CDCP1: variants seen among roughly 807,000 people sequenced by gnomAD.
The protein encoded by CDCP1 is CUB domain-containing protein 1.
In CDCP1, 29 loss-of-function variants were observed where a neutral mutation model predicts 60.2. The ratio of observed to expected loss-of-function variants is 0.48; its 90% CI spans 0.36 to 0.66. CDCP1 has a LOEUF of 0.66. CDCP1 is among the 30% of genes least tolerant of loss of function. The pLI, the probability that CDCP1 is intolerant of heterozygous loss-of-function variation, is 0.00. For synonymous variants in CDCP1, 387 were observed against 431.1 expected, an observed-to-expected ratio of 0.90 and a Z score of 1.27; for missense variants, 876 against 1,074.3, an observed-to-expected ratio of 0.82 and a Z score of 2.58.
At chr3:45,140,747 T>C (rs983990374) in intron 1 of CDCP1, among the ~76,000 whole-genome samples, 1 of 152,260 alleles carries the variant, frequency 6.6e-6, no homozygotes, top group Non-Finnish European at 1.5e-5. Context: ...TTCATTTTTA[T>C]CATTGAACAC....
At chr3:45,115,890 T>C (rs938530906) in intron 2 of CDCP1, among the ~76,000 whole-genome samples, 33 of 152,136 alleles carry the variant, frequency 2.2e-4, no homozygotes, top group Non-Finnish European at 3.1e-4. Flanking sequence ...AAAATATTTA[T>C]TTTTCCTATC....
At chr3:45,129,639 A>T (rs981167324) in intron 1 of CDCP1, among the ~76,000 whole-genome samples, 4 of 152,204 alleles carry the variant, frequency 2.6e-5, no homozygotes, top group Non-Finnish European at 4.4e-5. Context: ...GGAGTGGATT[A>T]AAAAACCCAT....
At chr3:45,107,982 G>T (rs1017639093) in intron 4 of CDCP1, among the ~76,000 whole-genome samples, 7 of 152,026 alleles carry the variant, frequency 4.6e-5, no homozygotes, top group Non-Finnish European at 1.0e-4. Context: ...GTTGGGTGTG[G>T]TGGCAGGCGC....
intron 1 of CDCP1, among the ~76,000 whole-genome samples, chr3:45,129,161 T>C (rs527917382): frequency 6.6e-6 from 1 of 152,244 alleles, no homozygotes; most frequent in African/African-American, 2.4e-5. Context: ...GTTGCATTTT[T>C]CCCTTTTATG....
In CDCP1 at chr3:45,095,365, T is replaced by A; in HGVS notation, c.1228A>T (p.Asn410Tyr). The change falls in exon 5 of 9, where the codon AAT becomes TAT. Residue 410 changes from asparagine (N) to tyrosine (Y), a missense_variant. Asn to Tyr is a moderately radical substitution (Grantham distance 143). Transcript: ENST00000296129. ...LCDDLTRLWM[N>Y]VEKTISCTDH... ...GGCGTACTTATGGTTTTTTCCACAT[T>A]CATCCACAGACGTGTCAGATCATCA... is the stretch of plus-strand genomic sequence containing the variant. 1 of 1,614,168 alleles carries A rather than the reference T, an allele frequency of 6.2e-7. No individual in the cohort carries two copies. Among genetic ancestry groups the A allele is most frequent in the Non-Finnish European group, 8.5e-7 (1 of 1,179,994 alleles).
At chr3:45,131,348 A>G (rs570281652) in intron 1 of CDCP1, among the ~76,000 whole-genome samples, 1 of 152,346 alleles carries the variant, frequency 6.6e-6, no homozygotes, top group Admixed American at 6.5e-5. Flanking sequence ...TGTGTAGTTC[A>G]GAAGCATTAA....
rs1181602648 is a variant in CDCP1 at position 45,084,558 on chromosome 3, G to C, written c.*1080C>G. ...CCAGCCACTGGAGCCTGGGAATGCA[G>C]CCAGCCTCTAGAAGCTTGAAATGGC... is the stretch of plus-strand genomic sequence containing the variant. On this transcript the variant is annotated 3_prime_UTR_variant, in exon 9 of 9. Coordinates refer to ENST00000296129, the MANE Select transcript of CDCP1 (RefSeq NM_022842.5). The C allele has an allele frequency of 6.6e-6, 1 of 152,252 alleles. No homozygotes were observed. The highest frequency in any genetic ancestry group is 1.9e-4 in the East Asian group (1 of 5,192). The allele number at this position is 152,252 out of a possible 1,614,324, so 9.4% of individuals were successfully genotyped here. A position where few individuals can be genotyped will look rare whatever the true frequency, so the allele number is the denominator to read the frequency against.
chr3:45,138,626 A>G (rs1313193425), intron 1 of CDCP1, among the ~76,000 whole-genome samples: 1 of 152,298 alleles, frequency 6.6e-6, no homozygotes, highest in East Asian at 1.9e-4. Flanking sequence ...AGGCGGGTGG[A>G]TCACCTGAGG....
At chr3:45,117,003 G>GACT (rs1259630345) in intron 2 of CDCP1, among the ~76,000 whole-genome samples, 1 of 151,972 alleles carries the variant, frequency 6.6e-6, no homozygotes, top group Non-Finnish European at 1.5e-5. Flanking sequence ...TTTTCCATGA[G>GACT]ACTAGTCAGG....
intron 4 of CDCP1, among the ~76,000 whole-genome samples, chr3:45,107,230 G>A (rs1322806506): frequency 6.6e-6 from 1 of 150,484 alleles, no homozygotes; most frequent in Non-Finnish European, 1.5e-5. Flanking sequence ...TTTTTGAGAT[G>A]GAGTCTTGCT....
At chr3:45,086,236 A>G (rs1441786460) in intron 8 of CDCP1, among the ~76,000 whole-genome samples, 169 bp from the exon 9 acceptor site, 1 of 152,206 alleles carries the variant, frequency 6.6e-6, no homozygotes, top group Non-Finnish European at 1.5e-5. Flanking sequence ...CTCAGTGAAC[A>G]TTTAGAAGGG....
chr3:45,104,504 A>G (rs1265291187), intron 4 of CDCP1, among the ~76,000 whole-genome samples: 1 of 152,210 alleles, frequency 6.6e-6, no homozygotes, highest in East Asian at 1.9e-4. Context: ...AAAATTACCT[A>G]TTAACATTCA....
At chr3:45,096,500 C>T (rs1468099482) in intron 4 of CDCP1, among the ~76,000 whole-genome samples, 1 of 151,616 alleles carries the variant, frequency 6.6e-6, no homozygotes, top group African/African-American at 2.4e-5. Flanking sequence ...TGGTACATGC[C>T]TGTAATCCCA....
In CDCP1 at chr3:45,085,209, A is replaced by T. The variant is rs2125987593; in HGVS notation, c.*429T>A. The T allele has an allele frequency of 6.2e-6, 1 of 160,916 alleles. No homozygotes were observed. Among genetic ancestry groups the T allele is most frequent in the Admixed American group, 6.0e-5 (1 of 16,638 alleles). The allele number at this position is 160,916 out of a possible 1,614,324, so 10.0% of individuals were successfully genotyped here. A position where few individuals can be genotyped will look rare whatever the true frequency, so the allele number is the denominator to read the frequency against. ...AGGACCACCAAATAAATAATAATAA[A>T]AAGGCACATTGTCGTTTTCATCCTG... is the stretch of plus-strand genomic sequence containing the variant. On this transcript the variant is annotated 3_prime_UTR_variant, in exon 9 of 9. Transcript: ENST00000296129. This position sits in a 1 kb window ranked among gnomAD's most constrained non-coding sequence, Gnocchi z 4.2.
At chr3:45,099,166 A>G (rs1232056677) in intron 4 of CDCP1, among the ~76,000 whole-genome samples, 1 of 149,740 alleles carries the variant, frequency 6.7e-6, no homozygotes, top group Non-Finnish European at 1.5e-5. Flanking sequence ...TAGGTGGATT[A>G]CAGCCTTCAG....
chr3:45,111,505 G>A (rs749058867), intron 3 of CDCP1, among the ~76,000 whole-genome samples: 6 of 151,968 alleles, frequency 3.9e-5, no homozygotes, highest in Non-Finnish European at 4.4e-5. Flanking sequence ...GTGAAACCCC[G>A]TATCTACTAA....
At chr3:45,143,212 T>TA (rs1038408310) in intron 1 of CDCP1, among the ~76,000 whole-genome samples, 3 of 151,880 alleles carry the variant, frequency 2.0e-5, no homozygotes, top group Non-Finnish European at 4.4e-5. Flanking sequence ...CTCAAAAATT[T>TA]AAAAAAAGAG....
Position 45,093,512 on chromosome 3 carries a change from G to A in CDCP1, c.1392C>T (p.Ala464=). 4 of 1,614,110 alleles carry A rather than the reference G, an allele frequency of 2.5e-6. No individual in the cohort carries two copies. Among genetic ancestry groups the A allele is most frequent in the Non-Finnish European group, 2.5e-6 (3 of 1,179,932 alleles). The change falls in exon 6 of 9, where the codon GCC becomes GCT. Residue 464 remains alanine, a synonymous_variant. Coordinates refer to ENST00000296129, the MANE Select transcript of CDCP1 (RefSeq NM_022842.5). ...KDRLSLVLVP[A]QKLQQHTHEK... ...CGTGTGTATGCTGCTGCAGCTTCTG[G>A]GCTGGCACCAGCACCAGGCTGAGCC...
upstream of CDCP1, chr3:45,146,479 T>G: frequency 2.1e-6 from 1 of 477,000 alleles, no homozygotes; most frequent in Non-Finnish European, 3.7e-6. Flanking sequence ...CCTCCTCCTC[T>G]TCCTGCCTCA....
Sources: allele counts gnomAD v4.1 joint callset (sites outside exome capture counted in the v4.1 genomes callset), GRCh38; gene constraint gnomAD v4.1.1; non-coding constraint Gnocchi (gnomAD v3.1); transcripts MANE v1.5; gene names NCBI Gene and HGNC (gene_info 2026-07-23, HGNC 2026-07-21).